Variants in ARHGEF4 observed in about 807,000 individuals in gnomAD.
ARHGEF4 encodes the protein APC-stimulated guanine nucleotide exchange factor 1.
ARHGEF4 carries 119 observed loss-of-function variants against 162.0 expected under a neutral mutation model. The ratio of observed to expected loss-of-function variants is 0.73; its 90% confidence interval spans 0.63 to 0.86. The LOEUF (loss-of-function observed/expected upper bound fraction) is 0.86. Ranked by LOEUF, ARHGEF4 falls within the 40% of genes least tolerant of loss-of-function variation. ARHGEF4 has a pLI of 0.00. For synonymous variants in ARHGEF4, 1,014 were observed against 979.9 expected, an observed-to-expected ratio of 1.03 and a Z score of -0.65; for missense variants, 2,488 against 2,456.0, an observed-to-expected ratio of 1.01 and a Z score of -0.28.
intron 1 of ARHGEF4, among the ~76,000 whole-genome samples, chr2:130,851,616 A>G (rs2104885414): frequency 6.6e-6 from 1 of 152,302 alleles, no homozygotes; most frequent in East Asian, 1.9e-4. Flanking sequence ...CTGTCTGCAA[A>G]GCAGCAGGGC....
At chr2:131,039,530 G>A in intron 6 of ARHGEF4, 1 of 1,032,896 alleles carries the variant, frequency 9.7e-7, no homozygotes, top group African/African-American at 1.7e-5. Flanking sequence ...CCTGGCTCAG[G>A]GCGTCCAAGC....
In ARHGEF4 at chr2:131,044,439, A is replaced by G. The variant is rs1246874227; in HGVS notation, c.5298A>G (p.Thr1766=). 2 of 1,561,412 alleles carry G rather than the reference A, an allele frequency of 1.3e-6. No individual in the cohort carries two copies. Among genetic ancestry groups the G allele is most frequent in the Non-Finnish European group, 8.7e-7 (1 of 1,152,832 alleles). ...KNAFRLHRGA[T]GDSHLLCTRK... ...CCTTCCGGCTGCACCGTGGCGCCACAGGGGACAGCCACCTGCTGTGCACCA... is the reference window on the plus strand; with the variant it reads ...CCTTCCGGCTGCACCGTGGCGCCACGGGGGACAGCCACCTGCTGTGCACCA... Residue 1766 remains threonine, a synonymous_variant, in exon 12 of 14, where the codon ACA becomes ACG. Coordinates refer to ENST00000409359, the MANE Select transcript of ARHGEF4 (RefSeq NM_001367493.1).
At chr2:130,943,727 C>T (rs1683440712) in intron 3 of ARHGEF4, among the ~76,000 whole-genome samples, 1 of 152,158 alleles carries the variant, frequency 6.6e-6, no homozygotes, top group South Asian at 2.1e-4. Flanking sequence ...CCTTTAACCT[C>T]CTCCTTTATG....
At chr2:130,980,326 G>T (rs1266200623) in intron 4 of ARHGEF4, among the ~76,000 whole-genome samples, 2 of 151,230 alleles carry the variant, frequency 1.3e-5, no homozygotes, top group Admixed American at 1.3e-4. Flanking sequence ...GAGCCCAGTG[G>T]CAGAGGTTGC....
At chr2:130,843,801 C>T (rs571244995) in intron 1 of ARHGEF4, among the ~76,000 whole-genome samples, 19 of 152,324 alleles carry the variant, frequency 1.2e-4, no homozygotes, top group South Asian at 8.3e-4. Context: ...AGCGTATCCT[C>T]GGGAAATGCG....
At chr2:130,867,890 C>T (rs1329305628) in intron 1 of ARHGEF4, among the ~76,000 whole-genome samples, 7 of 150,792 alleles carry the variant, frequency 4.6e-5, no homozygotes, top group Non-Finnish European at 7.4e-5. Flanking sequence ...TTCAACGCTG[C>T]GTGTGGTGGG....
intron 5 of ARHGEF4, 88 bp from the exon 6 acceptor site, chr2:131,038,765 C>T: frequency 7.0e-7 from 1 of 1,435,792 alleles, no homozygotes; most frequent in Non-Finnish European, 9.3e-7. Flanking sequence ...TCCCCTCTTC[C>T]CAGGGCTGCT....
chr2:130,905,057 C>T (rs909893413), intron 1 of ARHGEF4, among the ~76,000 whole-genome samples: 14 of 152,062 alleles, frequency 9.2e-5, no homozygotes, highest in Non-Finnish European at 1.6e-4. Context: ...CCAGCCTAGG[C>T]GACAGAGTGA....
intron 1 of ARHGEF4, among the ~76,000 whole-genome samples, chr2:130,903,684 C>T (rs1680645182): frequency 6.6e-6 from 1 of 152,148 alleles, no homozygotes; most frequent in African/African-American, 2.4e-5. Flanking sequence ...TAGTTTTCAA[C>T]CCTTGCTCCT....
In ARHGEF4 at chr2:130,915,486, G is replaced by C. The variant is rs74578239; in HGVS notation, c.1540G>C (p.Glu514Gln). The C allele has an allele frequency of 2.0e-5, 31 of 1,550,526 alleles. No homozygotes were observed. In the East Asian group the frequency reaches 6.1e-4, roughly 31 times the overall value. ...SNYTSKYVLS[E>Q]ESKSPTRAKF... is the part of the protein sequence containing the mutation. ...TTACACATCAAAGTATGTGCTCAGCGAGGAAAGCAAGTCACCTACCAGGGC... is the reference window on the plus strand; with the variant it reads ...TTACACATCAAAGTATGTGCTCAGCCAGGAAAGCAAGTCACCTACCAGGGC... Residue 514 changes from glutamate (E) to glutamine (Q), a missense_variant, in exon 2 of 14, where the codon GAG (glutamate) becomes CAG (glutamine). Physicochemically the swap from Glu to Gln is conservative, Grantham distance 29. Around this residue, in one of 6 missense-constraint regions of ARHGEF4, gnomAD observed 1,642 missense variants for 1,481.5 expected, o/e 1.11. Coordinates refer to ENST00000409359, the MANE Select transcript of ARHGEF4 (RefSeq NM_001367493.1).
intron 1 of ARHGEF4, among the ~76,000 whole-genome samples, chr2:130,856,971 C>G (rs1254970981): frequency 6.6e-6 from 1 of 152,142 alleles, no homozygotes. Context: ...GCCTGTAATC[C>G]CAGCACTTTG....
chr2:130,918,082 GC>G (rs1379411658), intron 2 of ARHGEF4, among the ~76,000 whole-genome samples: 1 of 152,086 alleles, frequency 6.6e-6, no homozygotes, highest in African/African-American at 2.4e-5. Flanking sequence ...GGCCGGCACT[GC>G]CCATTTTCTA....
intron 2 of ARHGEF4, among the ~76,000 whole-genome samples, chr2:130,926,008 TTTTCTCTCTTTC>T (rs1469079585): frequency 1.1e-4 from 2 of 18,996 alleles, no homozygotes; most frequent in Non-Finnish European, 4.4e-4. Flanking sequence ...ATTTGTTTGG[TTTTCTCTCTTTC>T]TTTCTTTCTT....
chr2:130,903,119 A>AT (rs56943344), intron 1 of ARHGEF4, among the ~76,000 whole-genome samples: 2,916 of 144,506 alleles, frequency 0.02, 55 homozygotes, highest in African/African-American at 0.054. Flanking sequence ...TCTTCTGCTT[A>AT]TTTTTTTTTT....
At chr2:130,951,010 C>T (rs920606216) in intron 4 of ARHGEF4, among the ~76,000 whole-genome samples, 2 of 152,198 alleles carry the variant, frequency 1.3e-5, no homozygotes, top group African/African-American at 4.8e-5. Context: ...AGGAACCAAC[C>T]TCTGCTAGGT....
At chr2:130,981,092 G>T (rs1306579025) in intron 4 of ARHGEF4, among the ~76,000 whole-genome samples, 1 of 151,706 alleles carries the variant, frequency 6.6e-6, no homozygotes, top group Non-Finnish European at 1.5e-5. Flanking sequence ...TCATTTTTTT[G>T]TGGCTGGGAA....
chr2:130,916,146 G>A lies in ARHGEF4; in HGVS notation c.2200G>A (p.Gly734Arg). 1 of 1,549,240 alleles carries A rather than the reference G, an allele frequency of 6.5e-7. No individual in the cohort carries two copies. The highest frequency in any genetic ancestry group is 8.7e-7 in the Non-Finnish European group (1 of 1,146,872). ...EETPSTEEPP[G>R]ERLRGESRSS... ...GACGCCGAGCACAGAGGAGCCCCCGGGAGAGAGACTGCGTGGGGAGAGCCG... is the reference window on the plus strand; with the variant it reads ...GACGCCGAGCACAGAGGAGCCCCCGAGAGAGAGACTGCGTGGGGAGAGCCG... Residue 734 changes from glycine (G) to arginine (R), a missense_variant, in exon 2 of 14, where the codon GGA becomes AGA. By Grantham distance (125) the Gly-to-Arg change is moderately radical. Coordinates refer to ENST00000409359, the MANE Select transcript of ARHGEF4 (RefSeq NM_001367493.1).
chr2:130,907,387 T>G (rs1280496343), intron 1 of ARHGEF4, among the ~76,000 whole-genome samples: 2 of 151,448 alleles, frequency 1.3e-5, no homozygotes, highest in Admixed American at 6.6e-5. Flanking sequence ...ACTAATATTT[T>G]TTTGTATTTT....
At chr2:130,977,329 G>A (rs181697864) in intron 4 of ARHGEF4, among the ~76,000 whole-genome samples, 28 of 151,726 alleles carry the variant, frequency 1.8e-4, no homozygotes, top group South Asian at 4.2e-4. Context: ...TAGTTGGTGC[G>A]TTAAGTATGT....
Sources: gnomAD v4.1 joint callset for allele counts (sites outside exome capture counted in the v4.1 genomes callset) on GRCh38, gnomAD v4.1.1 for gene constraint, gnomAD v4.1.1 regional missense constraint, MANE v1.5 for transcripts, NCBI Gene and HGNC (gene_info 2026-07-23, HGNC 2026-07-21) for gene names.